BRAF: variants seen among roughly 807,000 people sequenced by gnomAD.
The protein encoded by BRAF is B-Raf proto-oncogene, serine/threonine kinase.
Under a neutral mutation model 104.6 loss-of-function variants are expected in BRAF, and 16 were observed. That is an observed-to-expected ratio of 0.15 (90% CI 0.10 to 0.23). BRAF has a LOEUF of 0.23. Among genes scored for constraint, BRAF ranks in the 10% least tolerant of loss-of-function variants. BRAF has a pLI of 1.00. For missense variants in BRAF, 541 were observed against 937.3 expected (o/e 0.58, Z 5.52); for synonymous variants, 310 against 341.6 (o/e 0.91, Z 1.02).
chr7:140,725,907 T>A lies in BRAF; in HGVS notation c.*587A>T. On this transcript the variant is annotated 3_prime_UTR_variant, in exon 20 of 20. Transcript: ENST00000644969. ...ACATCTACTCACCACTCAGCCTCCA[T>A]TTAAATAAAATAGTTTCCTTTTGAT... 2.8e-6 allele frequency: 3 copies of A among 1,062,534 alleles called. No homozygotes were observed. Among genetic ancestry groups the A allele is most frequent in the Non-Finnish European group, 3.4e-6 (3 of 877,668 alleles). 65.8% of individuals were successfully genotyped at this position (1,062,534 alleles called of 1,614,324 possible). A position where few individuals can be genotyped will look rare whatever the true frequency, so the allele number is the denominator to read the frequency against.
chr7:140,727,543 C>T (rs1197545442), intron 19 of BRAF, among the ~76,000 whole-genome samples: 1 of 152,098 alleles, frequency 6.6e-6, no homozygotes, highest in Admixed American at 6.5e-5. Flanking sequence ...AAGGCCAATT[C>T]CTGTTATACA....
In BRAF at chr7:140,908,881, G is replaced by A. The variant is rs1429463000; in HGVS notation, c.138+15685C>T. ...TTGTACAGATTGGCAACTGCCTTTA[G>A]GGCAAAAGCTACTTCATCCACTTAT... On this transcript the variant is annotated intron_variant, in intron 1 of 19. Coordinates refer to ENST00000644969, the MANE Select transcript of BRAF (RefSeq NM_001374258.1). Among the ~76,000 whole-genome samples the A allele has an allele frequency of 2.2e-5, 3 of 137,604 alleles. 1 individual carries two copies. The highest frequency in any genetic ancestry group is 5.0e-5 in the Non-Finnish European group (3 of 60,038). 90.3% of individuals were successfully genotyped at this position (137,604 alleles called of 152,430 possible).
chr7:140,837,385 T>C (rs546435712), intron 2 of BRAF, among the ~76,000 whole-genome samples: 1 of 152,368 alleles, frequency 6.6e-6, no homozygotes, highest in South Asian at 2.1e-4. Flanking sequence ...TACATTAATC[T>C]GTTCAAGGTC....
intron 14 of BRAF, among the ~76,000 whole-genome samples, chr7:140,765,090 C>G (rs1464690818): frequency 6.6e-6 from 1 of 151,966 alleles, no homozygotes; most frequent in Non-Finnish European, 1.5e-5. Context: ...GGTACTGGTA[C>G]CAAAACAGAG....
intron 14 of BRAF, among the ~76,000 whole-genome samples, chr7:140,776,388 T>A (rs1800340120): frequency 6.6e-6 from 1 of 152,196 alleles, no homozygotes; most frequent in Non-Finnish European, 1.5e-5. Context: ...GTTCCCCATA[T>A]TAGCTTATGG....
At chr7:140,781,471 G>T in intron 12 of BRAF, 105 bp downstream of exon 11, 1 of 1,112,146 alleles carries the variant, frequency 9.0e-7, no homozygotes, top group Non-Finnish European at 1.4e-6. Context: ...ATAGTTTATT[G>T]ATGCGAACAG....
intron 1 of BRAF, among the ~76,000 whole-genome samples, chr7:140,868,239 G>A (rs902195975): frequency 6.6e-6 from 1 of 152,134 alleles, no homozygotes. Context: ...CGTTCTGTTA[G>A]GGAAACAGTA....
intron 14 of BRAF, among the ~76,000 whole-genome samples, chr7:140,772,967 T>C (rs1799993658): frequency 1.3e-5 from 2 of 152,160 alleles, no homozygotes; most frequent in Non-Finnish European, 2.9e-5. Context: ...AGGACATAAT[T>C]TCCAGTGTAC....
intron 1 of BRAF, among the ~76,000 whole-genome samples, chr7:140,893,641 A>C (rs1814528014): frequency 6.6e-6 from 1 of 152,126 alleles, no homozygotes; most frequent in Admixed American, 6.5e-5. Flanking sequence ...CAATCCAGCA[A>C]AGGGTCTATG....
chr7:140,777,950 T>C, intron 13 of BRAF, 41 bp downstream of exon 12: 1 of 1,588,798 alleles, frequency 6.3e-7, no homozygotes, highest in South Asian at 1.1e-5. Flanking sequence ...CTAATAAAAA[T>C]AACTTCTTTC....
intron 18 of BRAF, among the ~76,000 whole-genome samples, chr7:140,738,023 A>G (rs149567951): frequency 6.6e-4 from 100 of 152,358 alleles, no homozygotes; most frequent in African/African-American, 2.3e-3. Flanking sequence ...CCCGAGCACC[A>G]TGACGTGAAA....
intron 16 of BRAF, among the ~76,000 whole-genome samples, chr7:140,749,746 C>T (rs921972591): frequency 6.6e-6 from 1 of 152,190 alleles, no homozygotes; most frequent in African/African-American, 2.4e-5. Flanking sequence ...TCAGTTCCCA[C>T]TTCCCATTCC....
rs1368040262 is a variant in BRAF at position 140,725,675 on chromosome 7, CTGAGAATTTGCTACA to C, written c.*804_*818del. The C allele has an allele frequency of 4.7e-6, 5 of 1,058,442 alleles. No individual in the cohort carries two copies. In the African/African-American group the frequency reaches 6.6e-5, roughly 14 times the overall value. 65.6% of individuals were successfully genotyped at this position (1,058,442 alleles called of 1,614,324 possible). A position where few individuals can be genotyped will look rare whatever the true frequency, so the allele number is the denominator to read the frequency against. On this transcript the variant is annotated 3_prime_UTR_variant, in exon 20 of 20. Coordinates refer to ENST00000644969, the MANE Select transcript of BRAF (RefSeq NM_001374258.1). ...AGGAGGAAGATATAAACTGTATTTC[CTGAGAATTTGCTACA>C]TTGTGGAGGAAAAAAAAAAAACCCA...
chr7:140,871,051 C>T (rs1228856928), intron 1 of BRAF, among the ~76,000 whole-genome samples: 2 of 151,398 alleles, frequency 1.3e-5, no homozygotes, highest in African/African-American at 2.4e-5. Context: ...CACGGTGAAG[C>T]CCTGTCTCTA....
chr7:140,743,434 G>A (rs1045051873), intron 17 of BRAF, among the ~76,000 whole-genome samples: 8 of 152,120 alleles, frequency 5.3e-5, no homozygotes, highest in African/African-American at 1.9e-4. Context: ...GGACATGGAT[G>A]AAACTGGAAA....
chr7:140,787,257 C>T (rs71645963), intron 9 of BRAF, among the ~76,000 whole-genome samples: 23 of 139,498 alleles, frequency 1.6e-4, no homozygotes, highest in Admixed American at 3.7e-4. Flanking sequence ...GCCGAGATCG[C>T]GCCACTGCAC....
chr7:140,887,179 G>C (rs1813666437), intron 1 of BRAF, among the ~76,000 whole-genome samples: 1 of 152,210 alleles, frequency 6.6e-6, no homozygotes, highest in South Asian at 2.1e-4. Context: ...AGGCTGCTGA[G>C]AGAAACTGTA....
chr7:140,882,995 AAAAAT>A (rs957715331), intron 1 of BRAF, among the ~76,000 whole-genome samples: 18 of 150,770 alleles, frequency 1.2e-4, no homozygotes, highest in South Asian at 2.1e-4. Context: ...CTCCATCTCA[AAAAAT>A]AAAATAAAAT....
chr7:140,724,540 T>A lies in BRAF; in HGVS notation c.*1954A>T. The A allele has an allele frequency of 4.8e-6, 5 of 1,044,040 alleles. No homozygotes were observed. Among genetic ancestry groups the A allele is most frequent in the Non-Finnish European group, 4.6e-6 (4 of 865,852 alleles). 64.7% of individuals were successfully genotyped at this position (1,044,040 alleles called of 1,614,324 possible). On this transcript the variant is annotated 3_prime_UTR_variant, in exon 20 of 20. Transcript: ENST00000644969. ...AAACAAATTTGCTTTTCAAACTGATTAATAACTTAAGGATCTTTTCCATTT... is the reference window on the plus strand; with the variant it reads ...AAACAAATTTGCTTTTCAAACTGATAAATAACTTAAGGATCTTTTCCATTT...
Sources: gnomAD v4.1 joint callset for allele counts (sites outside exome capture counted in the v4.1 genomes callset) on GRCh38, gnomAD v4.1.1 for gene constraint, MANE v1.5 for transcripts, NCBI Gene and HGNC (gene_info 2026-07-23, HGNC 2026-07-21) for gene names.